CDH23: variants seen among roughly 807,000 people sequenced by gnomAD.
CDH23 encodes the protein cadherin-23.
Under a neutral mutation model 317.1 loss-of-function variants are expected in CDH23, and 189 were observed. That is an observed-to-expected ratio of 0.60 (90% CI 0.53 to 0.67). The LOEUF (loss-of-function observed/expected upper bound fraction) is 0.67, where lower values mean the gene tolerates loss of function less well. Among genes scored for constraint, CDH23 ranks in the 30% least tolerant of loss-of-function variants. CDH23 has a pLI of 0.00. For missense variants in CDH23, 4,401 were observed against 4,592.4 expected, an observed-to-expected ratio of 0.96 and a Z score of 1.20; for synonymous variants, 1,839 against 1,876.8, an observed-to-expected ratio of 0.98 and a Z score of 0.52.
intron 38 of CDH23, among the ~76,000 whole-genome samples, chr10:71,752,386 C>T (rs939400341): frequency 2.0e-5 from 3 of 152,214 alleles, no homozygotes; most frequent in Non-Finnish European, 4.4e-5. Context: ...CCCTTTCAAA[C>T]ACCTAGAGGA....
At chr10:71,688,824 G>A (rs1206493409) in intron 19 of CDH23, among the ~76,000 whole-genome samples, 7 of 114,880 alleles carry the variant, frequency 6.1e-5, no homozygotes, top group African/African-American at 1.3e-4. Flanking sequence ...GGTGGAGCCA[G>A]GGGTGGTGGA....
intron 38 of CDH23, among the ~76,000 whole-genome samples, chr10:71,745,303 A>G (rs1839828010): frequency 6.6e-6 from 1 of 152,246 alleles, no homozygotes; most frequent in African/African-American, 2.4e-5. Flanking sequence ...CTTGGTTAGC[A>G]CAGCCAAGAA....
At chr10:71,647,161 C>G (rs892973225) in intron 14 of CDH23, 1 of 899,306 alleles carries the variant, frequency 1.1e-6, no homozygotes, top group Non-Finnish European at 1.3e-6. Context: ...TCATGTAACT[C>G]AAAAGTATAA....
In CDH23 at chr10:71,503,873, A is replaced by C. The variant is rs920223185; in HGVS notation, c.146-6209A>C. On this transcript the variant is annotated intron_variant, in intron 3 of 69. Transcript: ENST00000224721. The stretch of plus-strand genomic sequence containing the variant: ...AACCTTCCCAGCCAAAGGCACAATC[A>C]GGGCGAGGGTCCCGAGGCAGCCACA... Among the ~76,000 whole-genome samples, 5 of 152,274 alleles carry C rather than the reference A, an allele frequency of 3.3e-5. No individual in the cohort carries two copies. The South Asian group carries it at 8.3e-4, about 25-fold the overall frequency.
chr10:71,809,754 T>C lies in CDH23; in HGVS notation c.8723-66T>C, dbSNP rs540055329. On this transcript the variant is annotated intron_variant, in intron 60 of 69. Transcript: ENST00000224721. The stretch of plus-strand genomic sequence containing the variant: ...ATGTGCCCACCTACCCCAGGGCTCA[T>C]GCCCCTTCCTGGGGATTCGGGGCAC... The C allele has an allele frequency of 9.2e-5, 145 of 1,573,026 alleles. 1 individual carries two copies. The African/African-American group carries it at 1.8e-3, about 20-fold the overall frequency.
chr10:71,549,508 A>C (rs973670338), intron 6 of CDH23, among the ~76,000 whole-genome samples: 1 of 152,198 alleles, frequency 6.6e-6, no homozygotes, highest in African/African-American at 2.4e-5. Context: ...TCCTCCAGGG[A>C]AAGATGCTCT....
intron 18 of CDH23, among the ~76,000 whole-genome samples, chr10:71,685,602 G>A (rs10999952): frequency 0.028 from 4,255 of 152,296 alleles, 256 homozygotes; most frequent in East Asian, 0.24. Flanking sequence ...AACCACAGTG[G>A]CCTAGTAGAA....
chr10:71,774,074 C>T (rs1256991401), intron 38 of CDH23, among the ~76,000 whole-genome samples: 1 of 152,006 alleles, frequency 6.6e-6, no homozygotes, highest in Non-Finnish European at 1.5e-5. Flanking sequence ...CACACACACA[C>T]ACACACACAC....
intron 3 of CDH23, among the ~76,000 whole-genome samples, chr10:71,448,615 G>A (rs1302364638): frequency 6.6e-6 from 1 of 152,184 alleles, no homozygotes; most frequent in Non-Finnish European, 1.5e-5. Context: ...CCCAACATCT[G>A]TTTCTCGCTG....
chr10:71,720,002 G>A (rs555538345), intron 28 of CDH23, among the ~76,000 whole-genome samples: 8 of 152,356 alleles, frequency 5.3e-5, no homozygotes, highest in Admixed American at 3.9e-4. Flanking sequence ...GGAGACGCAG[G>A]GGGAGGGTTT....
chr10:71,669,509 G>A (rs901004247), intron 14 of CDH23, among the ~76,000 whole-genome samples: 12 of 150,944 alleles, frequency 7.9e-5, no homozygotes, highest in Non-Finnish European at 1.6e-4. Context: ...GTGCAGTGGC[G>A]CCATCTCTGC....
rs11323009 is a variant in CDH23, at chr10:71,806,579, A to ATT, written c.8178+315_8178+316dup. Among the ~76,000 whole-genome samples, 55 of 130,608 alleles carry ATT rather than the reference A, an allele frequency of 4.2e-4. 1 individual carries two copies. The highest frequency in any genetic ancestry group is 1.1e-3 in the African/African-American group (39 of 35,338). 85.7% of individuals were successfully genotyped at this position (130,608 alleles called of 152,430 possible). On this transcript the variant is annotated intron_variant, in intron 57 of 69. Transcript: ENST00000224721. ...ACACAAAGCATGAAAATCAGCTCTG[A>ATT]TTTTTTTTTTTTTTTTTTGAGACAG...
At chr10:71,531,187 C>T (rs911100474) in intron 6 of CDH23, among the ~76,000 whole-genome samples, 3 of 152,206 alleles carry the variant, frequency 2.0e-5, no homozygotes, top group African/African-American at 4.8e-5. Flanking sequence ...GCAGCAGCAG[C>T]GTGTGAACCT....
chr10:71,751,020 G>T lies in CDH23; in HGVS notation c.4845+9099G>T. 2.0e-6 allele frequency: 1 copy of T among 509,792 alleles called. No individual in the cohort carries two copies. The allele number at this position is 509,792 out of a possible 1,614,324, so 31.6% of individuals were successfully genotyped here. ...TAGCTGGTGAATTTCAGGTCTCTAGGGGAGAATCTCAGCACCCCAAAATCC... is the reference window on the plus strand; with the variant it reads ...TAGCTGGTGAATTTCAGGTCTCTAGTGGAGAATCTCAGCACCCCAAAATCC... On this transcript the variant is annotated intron_variant, in intron 38 of 69. Transcript: ENST00000224721. The surrounding 1 kb of genome is among the most constrained non-coding windows in gnomAD (Gnocchi z 4.9).
chr10:71,437,734 A>T (rs760606732), intron 1 of CDH23, among the ~76,000 whole-genome samples: 1 of 152,204 alleles, frequency 6.6e-6, no homozygotes, highest in South Asian at 2.1e-4. Flanking sequence ...AATTGAATTC[A>T]TGTGAAAAGC....
intron 14 of CDH23, among the ~76,000 whole-genome samples, chr10:71,671,985 T>C (rs2132658025): frequency 6.6e-6 from 1 of 152,218 alleles, no homozygotes; most frequent in African/African-American, 2.4e-5. Context: ...CCAGGCCCTA[T>C]ACTAGGCCCT....
At chr10:71,583,496 G>C (rs1858798364) in intron 9 of CDH23, among the ~76,000 whole-genome samples, 1 of 152,232 alleles carries the variant, frequency 6.6e-6, no homozygotes, top group South Asian at 2.1e-4. Flanking sequence ...GTCCAGCTGA[G>C]AGACAGTCAC....
chr10:71,588,100 C>A (rs907474799), intron 9 of CDH23, among the ~76,000 whole-genome samples: 4 of 152,248 alleles, frequency 2.6e-5, no homozygotes, highest in African/African-American at 9.6e-5. Flanking sequence ...GGGTACCCTG[C>A]GGAGAGGGTG....
chr10:71,519,762 CCTTTTTTCTTTTCTTTTT>C (rs1854553411), intron 6 of CDH23, among the ~76,000 whole-genome samples: 1 of 152,068 alleles, frequency 6.6e-6, no homozygotes, highest in East Asian at 1.9e-4. Flanking sequence ...ATGGGTATTA[CCTTTTTTCTTTTCTTTTT>C]CTTTTTTCTT....
Sources: allele counts gnomAD v4.1 joint callset (sites outside exome capture counted in the v4.1 genomes callset), GRCh38; gene constraint gnomAD v4.1.1; non-coding constraint Gnocchi (gnomAD v3.1); transcripts MANE v1.5; gene names NCBI Gene and HGNC (gene_info 2026-07-23, HGNC 2026-07-21).